Variants in WNK1 observed in about 807,000 individuals in gnomAD.
WNK1 encodes WNK lysine deficient protein kinase 1, also known as serine/threonine-protein kinase WNK1.
WNK1 carries 38 observed loss-of-function variants against 222.8 expected under a neutral mutation model. That is an observed-to-expected ratio of 0.17 (90% CI 0.13 to 0.22). The LOEUF is 0.22. Ranked by LOEUF, WNK1 falls within the 10% of genes least tolerant of loss-of-function variation. The pLI is 1.00. For missense variants in WNK1, 2,348 were observed against 2,918.4 expected (o/e 0.80, Z 4.50); for synonymous variants, 1,090 against 1,092.9 (o/e 1.00, Z 0.05).
chr12:899,540 C>T (rs1466978237), intron 25 of WNK1, among the ~76,000 whole-genome samples: 2 of 152,128 alleles, frequency 1.3e-5, no homozygotes, highest in Non-Finnish European at 2.9e-5. Context: ...GCCTCAGCCT[C>T]CCAAAGTGCG....
At chr12:777,391 G>C (rs1294866038) in intron 1 of WNK1, among the ~76,000 whole-genome samples, 1 of 151,830 alleles carries the variant, frequency 6.6e-6, no homozygotes, top group Non-Finnish European at 1.5e-5. Flanking sequence ...TTCTCCTGAG[G>C]TAGTGATGTG....
chr12:880,480 C>G (rs1023572355), intron 11 of WNK1, among the ~76,000 whole-genome samples: 2 of 152,186 alleles, frequency 1.3e-5, no homozygotes, highest in Admixed American at 1.3e-4. Context: ...TTTAAATCAT[C>G]TCTAGGTGAA....
intron 1 of WNK1, among the ~76,000 whole-genome samples, chr12:770,836 C>T (rs1167966957): frequency 6.6e-6 from 1 of 151,926 alleles, no homozygotes; most frequent in Non-Finnish European, 1.5e-5. Flanking sequence ...AATGGCATTT[C>T]TTTATGGCTT....
At chr12:790,355 C>T (rs1001728449) in intron 1 of WNK1, among the ~76,000 whole-genome samples, 4 of 152,156 alleles carry the variant, frequency 2.6e-5, no homozygotes, top group Non-Finnish European at 5.9e-5. Flanking sequence ...CCTGTCATCT[C>T]GGCCTCCCAA....
At chr12:824,673 A>AC (rs889867404) in intron 2 of WNK1, among the ~76,000 whole-genome samples, 2 of 72,594 alleles carry the variant, frequency 2.8e-5, no homozygotes, top group Non-Finnish European at 6.8e-5. Context: ...ATAGTTAAAA[A>AC]AAAGAGAGAA....
At chr12:833,523 A>C (rs886733265) in intron 4 of WNK1, among the ~76,000 whole-genome samples, 1 of 152,150 alleles carries the variant, frequency 6.6e-6, no homozygotes, top group Non-Finnish European at 1.5e-5. Flanking sequence ...TACCTCCACT[A>C]TAAGCTTTTC....
intron 1 of WNK1, among the ~76,000 whole-genome samples, chr12:765,977 A>T (rs1438652048): frequency 2.0e-5 from 3 of 152,234 alleles, no homozygotes; most frequent in Non-Finnish European, 4.4e-5. Context: ...ATAAAGGTTA[A>T]CAATATGTCA....
intron 4 of WNK1, among the ~76,000 whole-genome samples, chr12:842,370 G>A (rs1949692628): frequency 6.6e-6 from 1 of 152,152 alleles, no homozygotes; most frequent in Non-Finnish European, 1.5e-5. Flanking sequence ...AACAATAATA[G>A]GTAGAAAGGC....
chr12:756,793 T>C (rs1940106589), intron 1 of WNK1, among the ~76,000 whole-genome samples: 1 of 152,188 alleles, frequency 6.6e-6, no homozygotes, highest in African/African-American at 2.4e-5. Flanking sequence ...ATAGAAACTT[T>C]TTCGCTAAAT....
At chr12:906,804 C>T in intron 26 of WNK1, 1 of 948,210 alleles carries the variant, frequency 1.1e-6, no homozygotes, top group Non-Finnish European at 1.3e-6. Flanking sequence ...CTTTGGGAGG[C>T]TGACATGGCA....
Position 880,023 on chromosome 12 carries a change from C to A in WNK1, c.2824C>A (p.Leu942Met). 6.2e-7 allele frequency: 1 copy of A among 1,614,052 alleles called. No individual in the cohort carries two copies. The highest frequency in any genetic ancestry group is 1.1e-5 in the South Asian group (1 of 91,056). The stretch of plus-strand genomic sequence containing the variant: ...GGTTCCACTTTCCTCTGGAGATGTT[C>A]TGTACCAGGTATTGTGTTAGTTAGC... ...AEVPLSSGDV[L>M]YQGFPPRLPP... Residue 942 changes from leucine to methionine, a missense_variant, in exon 11 of 28, where the codon CTG becomes ATG. This residue lies in a region of WNK1 where 547 missense variants were observed against 558.3 expected (regional missense o/e 0.98). Coordinates refer to ENST00000315939, the MANE Select transcript of WNK1 (RefSeq NM_018979.4).
intron 22 of WNK1, among the ~76,000 whole-genome samples, chr12:891,288 A>ACC (rs1396692557): frequency 6.6e-6 from 1 of 152,048 alleles, no homozygotes; most frequent in Non-Finnish European, 1.5e-5. Flanking sequence ...ACAGGCATGC[A>ACC]CCACCACACC....
rs538209205 is a variant in WNK1, at chr12:759,369, C to T, written c.759+5045C>T. ...TTTTTGAGACAGAGTCTCACTCTGT[C>T]GCCCAGGCTGGAGTACAGTGGCGCG... On this transcript the variant is annotated intron_variant, in intron 1 of 27. Coordinates refer to ENST00000315939, the MANE Select transcript of WNK1 (RefSeq NM_018979.4). 8.8e-5 allele frequency among the ~76,000 whole-genome samples: 13 copies of T among 147,182 alleles called. 2 individuals carry two copies. In the South Asian group the frequency reaches 1.6e-3, roughly 18 times the overall value.
Position 884,736 on chromosome 12 carries a change from G to A in WNK1, c.3932G>A (p.Arg1311Lys). The change falls in exon 19 of 28, where the codon AGA becomes AAA. Residue 1311 changes from arginine to lysine, a missense_variant. Arg to Lys is a conservative substitution (Grantham distance 26). This residue lies in a region of WNK1 where 1,144 missense variants were observed against 1,273.6 expected (regional missense o/e 0.90). Coordinates refer to ENST00000315939, the MANE Select transcript of WNK1 (RefSeq NM_018979.4). The surrounding 1 kb of genome is among the most constrained non-coding windows in gnomAD (Gnocchi z 5.6). ...CTACAACAGGCCTTTTCTGAACTTA[G>A]ACGTGCCCAAATGACAGAAGGACCC... Reference protein sequence around the residue: ...LSLQQAFSELRRAQMTEGPNT... With the variant: ...LSLQQAFSELKRAQMTEGPNT... 6.2e-7 allele frequency: 1 copy of A among 1,614,132 alleles called. No homozygotes were observed. Among genetic ancestry groups the A allele is most frequent in the Non-Finnish European group, 8.5e-7 (1 of 1,180,020 alleles).
At chr12:821,433 A>G (rs796820101) in intron 2 of WNK1, among the ~76,000 whole-genome samples, 14 of 152,354 alleles carry the variant, frequency 9.2e-5, no homozygotes, top group African/African-American at 2.6e-4. Context: ...GAACTCATCA[A>G]TGAAGCCATC....
chr12:842,931 A>G (rs745331076), intron 4 of WNK1, among the ~76,000 whole-genome samples: 15 of 151,918 alleles, frequency 9.9e-5, no homozygotes, highest in Non-Finnish European at 1.8e-4. Context: ...GATTTTATTT[A>G]TTTATTTATT....
In WNK1 at chr12:878,383, A is replaced by T. The variant is rs751906007; in HGVS notation, c.2373+22A>T. The T allele has an allele frequency of 3.7e-4, 405 of 1,102,214 alleles. 1 individual carries two copies. Among genetic ancestry groups the T allele is most frequent in the Non-Finnish European group, 4.5e-4 (342 of 759,734 alleles). 68.3% of individuals were successfully genotyped at this position (1,102,214 alleles called of 1,614,324 possible). ...ACAGGTAAACTTTTTTTTTTTTTTT[A>T]AACAGGTAAACTCTTAATTTCTGAA... On this transcript the variant is annotated intron_variant, in intron 10 of 27. Transcript: ENST00000315939.
At chr12:866,705 T>C (rs1271090772) in intron 8 of WNK1, among the ~76,000 whole-genome samples, 3 of 144,694 alleles carry the variant, frequency 2.1e-5, no homozygotes, top group Middle Eastern at 3.2e-3. Flanking sequence ...TGGCAAGCTG[T>C]GTTTCTAAAT....
At chr12:811,793 A>G (rs1946931886) in intron 1 of WNK1, among the ~76,000 whole-genome samples, 2 of 152,092 alleles carry the variant, frequency 1.3e-5, no homozygotes, top group Admixed American at 6.5e-5. Context: ...GGTTTCCCCC[A>G]TTTCCTGCTT....
Sources: gnomAD v4.1 joint callset for allele counts (sites outside exome capture counted in the v4.1 genomes callset) on GRCh38, gnomAD v4.1.1 for gene constraint, gnomAD v4.1.1 regional missense constraint, Gnocchi (gnomAD v3.1) non-coding constraint, MANE v1.5 for transcripts, NCBI Gene and HGNC (gene_info 2026-07-23, HGNC 2026-07-21) for gene names.